The following GPHN variants were observed in gnomAD, a reference collection of about 807,000 sequenced individuals.
GPHN encodes gephyrin.
A neutral mutation model predicts 95.5 loss-of-function variants in GPHN; 17 were observed. The ratio of observed to expected loss-of-function variants is 0.18; its 90% CI spans 0.12 to 0.27. The LOEUF (loss-of-function observed/expected upper bound fraction) is 0.27. Among genes scored for constraint, GPHN ranks in the 10% least tolerant of loss-of-function variants. The probability of loss-of-function intolerance (pLI) is 1.00; values close to 1 mark genes in which losing one functional copy is unlikely to be tolerated. For missense variants in GPHN, 660 were observed against 978.1 expected (o/e 0.67, Z 4.34); for synonymous variants, 320 against 322.5 (o/e 0.99, Z 0.08).
At chr14:66,915,025 G>A (rs534997936) in intron 5 of GPHN, among the ~76,000 whole-genome samples, 2 of 152,022 alleles carry the variant, frequency 1.3e-5, no homozygotes, top group Non-Finnish European at 2.9e-5. Context: ...GTAAGAAGAA[G>A]GCCAGCAGGT....
intron 1 of GPHN, among the ~76,000 whole-genome samples, chr14:66,618,890 T>G (rs1042078747): frequency 3.3e-5 from 5 of 152,172 alleles, no homozygotes; most frequent in African/African-American, 1.2e-4. Flanking sequence ...TCCCCTCAAT[T>G]TTTTTGTGAT....
chr14:66,726,722 T>C (rs961758647), intron 2 of GPHN, among the ~76,000 whole-genome samples: 7 of 152,194 alleles, frequency 4.6e-5, no homozygotes, highest in African/African-American at 1.7e-4. Context: ...GATACACAGA[T>C]TGACCCTCCC....
At position 67,068,670 on chromosome 14, in the gene GPHN, G is replaced by C. The variant is rs373422510; in HGVS notation, c.1144+9884G>C. 8.5e-5 allele frequency among the ~76,000 whole-genome samples: 13 copies of C among 152,142 alleles called. No individual in the cohort carries two copies. The East Asian group carries it at 9.6e-4, about 11-fold the overall frequency. On this transcript the variant is annotated intron_variant, in intron 11 of 22. Coordinates refer to ENST00000478722, the MANE Select transcript of GPHN (RefSeq NM_020806.5). ...ATAAGCTGTAAGCTTTTTTATTTAA[G>C]ATTACATGATTAAAGACTTCAGTGT... is the stretch of plus-strand genomic sequence containing the variant.
At chr14:67,423,062 A>C in the GPHN span, among the ~76,000 whole-genome samples, 15 of 151,692 alleles carry the variant, frequency 9.9e-5, no homozygotes, top group Non-Finnish European at 1.6e-4. Flanking sequence ...CAAACTCCCA[A>C]CCTTAGGTGA....
At chr14:67,713,979 T>C in the GPHN span, among the ~76,000 whole-genome samples, 1 of 152,118 alleles carries the variant, frequency 6.6e-6, no homozygotes, top group Non-Finnish European at 1.5e-5. Context: ...AGGTATGACT[T>C]TGAATAGAAT....
intron 10 of GPHN, among the ~76,000 whole-genome samples, chr14:67,054,977 CA>C (rs1474748716): frequency 2.0e-5 from 3 of 152,014 alleles, no homozygotes; most frequent in African/African-American, 7.2e-5. Context: ...ATGTAAAACC[CA>C]AAACTGTAAA....
the GPHN span, chr14:67,224,571 C>A: frequency 4.5e-6 from 1 of 222,038 alleles, no homozygotes. Flanking sequence ...CATTTCTCTA[C>A]TTTCTTAGCT....
intron 21 of GPHN, among the ~76,000 whole-genome samples, chr14:67,174,086 A>C (rs2082758888): frequency 6.6e-6 from 1 of 152,192 alleles, no homozygotes; most frequent in South Asian, 2.1e-4. Context: ...AAATTTTTTT[A>C]TTATACTTTA....
chr14:66,520,835 T>C (rs1388261624), intron 1 of GPHN, among the ~76,000 whole-genome samples: 1 of 152,042 alleles, frequency 6.6e-6, no homozygotes, highest in African/African-American at 2.4e-5. Context: ...CCAATAGTTA[T>C]TTTTCCTGCT....
rs1567344957 is a variant in GPHN, at chr14:67,110,144, C to T, written c.1298C>T (p.Thr433Ile). ...IGESQAGEQP[T>I]QTVMPGQVMR... Reference sequence around the variant, plus strand: ...CTTTTTCATCTTTATTTCCAGCCAACTCAGACAGTAATGCCAGGACAAGTC... The same window carrying T: ...CTTTTTCATCTTTATTTCCAGCCAATTCAGACAGTAATGCCAGGACAAGTC... Residue 433 changes from threonine to isoleucine, a missense_variant, in exon 14 of 23, where the codon ACT becomes ATT. Thr to Ile is a moderately conservative substitution (Grantham distance 89). Around this residue, in one of 6 missense-constraint regions of GPHN, gnomAD observed 257 missense variants for 376.2 expected, o/e 0.68. Transcript: ENST00000478722. 6.2e-7 allele frequency: 1 copy of T among 1,613,250 alleles called. No homozygotes were observed. Among genetic ancestry groups the T allele is most frequent in the Admixed American group, 1.7e-5 (1 of 60,014 alleles).
intron 10 of GPHN, among the ~76,000 whole-genome samples, chr14:67,046,634 T>C (rs950258094): frequency 5.9e-5 from 9 of 152,236 alleles, no homozygotes; most frequent in African/African-American, 2.2e-4. Context: ...TTCCATATTT[T>C]TTAATCAGCC....
chr14:67,186,858 T>C, the GPHN span, among the ~76,000 whole-genome samples: 1 of 152,166 alleles, frequency 6.6e-6, no homozygotes, highest in Non-Finnish European at 1.5e-5. Flanking sequence ...TATGCCGTGG[T>C]GCATTTGCAG....
intron 5 of GPHN, among the ~76,000 whole-genome samples, chr14:66,896,856 T>TA (rs2064879896): frequency 6.6e-6 from 1 of 151,854 alleles, no homozygotes; most frequent in South Asian, 2.1e-4. Context: ...ATGTATTGGT[T>TA]AAAAAAAGTT....
intron 2 of GPHN, among the ~76,000 whole-genome samples, chr14:66,708,677 G>T (rs2069329173): frequency 6.6e-6 from 1 of 152,056 alleles, no homozygotes; most frequent in South Asian, 2.1e-4. Flanking sequence ...TGCCAGATTT[G>T]CTTGGATTTG....
intron 9 of GPHN, among the ~76,000 whole-genome samples, chr14:66,990,474 C>T (rs76837003): frequency 0.015 from 2,310 of 152,158 alleles, 33 homozygotes; most frequent in Non-Finnish European, 0.018. Flanking sequence ...CTGTTGGTCG[C>T]GTCTTCTACC....
At chr14:66,829,541 C>CA (rs2061505890) in intron 4 of GPHN, among the ~76,000 whole-genome samples, 1 of 151,408 alleles carries the variant, frequency 6.6e-6, no homozygotes, top group Non-Finnish European at 1.5e-5. Flanking sequence ...AATGTATGTC[C>CA]AAAAAAGGTA....
intron 2 of GPHN, among the ~76,000 whole-genome samples, chr14:66,698,197 G>C (rs1299780446): frequency 6.6e-6 from 1 of 151,958 alleles, no homozygotes; most frequent in Non-Finnish European, 1.5e-5. Context: ...TTTTGAAAAG[G>C]GATATGATGA....
At chr14:66,814,947 G>A (rs966280268) in intron 3 of GPHN, among the ~76,000 whole-genome samples, 2 of 152,084 alleles carry the variant, frequency 1.3e-5, no homozygotes, top group Non-Finnish European at 2.9e-5. Flanking sequence ...AGACAAAATA[G>A]CCAGTACTGA....
At chr14:66,663,254 A>G (rs1256375863) in intron 1 of GPHN, among the ~76,000 whole-genome samples, 1 of 152,166 alleles carries the variant, frequency 6.6e-6, no homozygotes, top group African/African-American at 2.4e-5. Flanking sequence ...CAAAGGGAAG[A>G]CCATCTGACT....
Sources: gnomAD v4.1 joint callset for allele counts (sites outside exome capture counted in the v4.1 genomes callset) on GRCh38, gnomAD v4.1.1 for gene constraint, gnomAD v4.1.1 regional missense constraint, MANE v1.5 for transcripts, NCBI Gene and HGNC (gene_info 2026-07-23, HGNC 2026-07-21) for gene names.